Variants in CDKAL1 observed in about 807,000 individuals in gnomAD.
The protein encoded by CDKAL1 is threonylcarbamoyladenosine tRNA methylthiotransferase.
Under a neutral mutation model 68.2 loss-of-function variants are expected in CDKAL1, and 32 were observed. That is an observed-to-expected ratio of 0.47 (90% CI 0.35 to 0.63). The LOEUF (loss-of-function observed/expected upper bound fraction) is 0.63. Ranked by LOEUF, CDKAL1 falls within the 30% of genes least tolerant of loss-of-function variation. The pLI, the probability that CDKAL1 is intolerant of heterozygous loss-of-function variation, is 0.00. For synonymous variants in CDKAL1, 234 were observed against 244.3 expected, an observed-to-expected ratio of 0.96 and a Z score of 0.39; for missense variants, 606 against 696.7, an observed-to-expected ratio of 0.87 and a Z score of 1.47.
At chr6:20,888,829 A>G (rs1440715552) in intron 9 of CDKAL1, among the ~76,000 whole-genome samples, 2 of 152,152 alleles carry the variant, frequency 1.3e-5, no homozygotes, top group Admixed American at 1.3e-4. Context: ...CGCAGTAAAC[A>G]TACGTGTGCA....
chr6:20,747,623 G>C (rs537960232), intron 6 of CDKAL1, among the ~76,000 whole-genome samples: 5 of 152,200 alleles, frequency 3.3e-5, no homozygotes, highest in East Asian at 1.9e-4. Context: ...CTATTTGTAT[G>C]TTTCCTTTGG....
intron 4 of CDKAL1, among the ~76,000 whole-genome samples, chr6:20,597,929 G>T (rs1765905765): frequency 6.6e-6 from 1 of 152,194 alleles, no homozygotes; most frequent in Non-Finnish European, 1.5e-5. Context: ...TGCAGACCGT[G>T]AGAGAAACGT....
chr6:21,190,929 T>C (rs1778211500), intron 13 of CDKAL1, among the ~76,000 whole-genome samples: 1 of 152,234 alleles, frequency 6.6e-6, no homozygotes, highest in Non-Finnish European at 1.5e-5. Flanking sequence ...CACGTCAGGC[T>C]TTCTGTTTAA....
intron 9 of CDKAL1, among the ~76,000 whole-genome samples, chr6:20,873,887 C>G (rs1202358657): frequency 6.6e-6 from 1 of 152,078 alleles, no homozygotes; most frequent in African/African-American, 2.4e-5. Context: ...TGCAGTGCAT[C>G]GAGTTGCTAA....
At chr6:20,967,941 A>C (rs1269606923) in intron 10 of CDKAL1, among the ~76,000 whole-genome samples, 4 of 152,068 alleles carry the variant, frequency 2.6e-5, no homozygotes, top group Non-Finnish European at 4.4e-5. Flanking sequence ...CCTCTCTTCC[A>C]TATGGTTTCT....
intron 11 of CDKAL1, among the ~76,000 whole-genome samples, chr6:21,020,060 T>G (rs1013364754): frequency 1.3e-5 from 2 of 152,240 alleles, no homozygotes; most frequent in East Asian, 1.9e-4. Flanking sequence ...TAGAAACAAA[T>G]TTTTCTGTCT....
intron 4 of CDKAL1, among the ~76,000 whole-genome samples, chr6:20,616,842 CACA>C (rs1766931579): frequency 7.7e-6 from 1 of 130,682 alleles, no homozygotes; most frequent in African/African-American, 3.4e-5. Context: ...GACTCTACCA[CACA>C]CACACACACA....
chr6:20,697,115 T>C (rs1388739499), intron 5 of CDKAL1, among the ~76,000 whole-genome samples: 3 of 152,152 alleles, frequency 2.0e-5, no homozygotes, highest in Admixed American at 2.0e-4. Context: ...GGCTGTTCTT[T>C]TCTAGGGCTG....
chr6:20,569,913 A>ACCT (rs1379949432), intron 4 of CDKAL1, among the ~76,000 whole-genome samples: 3 of 152,146 alleles, frequency 2.0e-5, no homozygotes, highest in African/African-American at 7.2e-5. Context: ...TCATCTCAAG[A>ACCT]GAGTGATTCT....
chr6:21,118,671 AAAGT>A (rs1392118705), intron 13 of CDKAL1, among the ~76,000 whole-genome samples: 1 of 152,258 alleles, frequency 6.6e-6, no homozygotes, highest in Non-Finnish European at 1.5e-5. Context: ...ATCTGGAAAG[AAAGT>A]AAGTCAACCA....
chr6:20,727,348 A>T (rs1489186358), intron 5 of CDKAL1, among the ~76,000 whole-genome samples: 1 of 152,212 alleles, frequency 6.6e-6, no homozygotes, highest in Non-Finnish European at 1.5e-5. Context: ...ACATACATAT[A>T]ACTACATATG....
intron 15 of CDKAL1, among the ~76,000 whole-genome samples, chr6:21,206,363 T>C (rs1778937746): frequency 6.6e-6 from 1 of 152,196 alleles, no homozygotes; most frequent in Non-Finnish European, 1.5e-5. Flanking sequence ...CTGTCTCTCT[T>C]AGGAATATGC....
chr6:20,960,065 CTGT>C (rs987242150), intron 10 of CDKAL1, among the ~76,000 whole-genome samples: 5 of 152,144 alleles, frequency 3.3e-5, no homozygotes, highest in Non-Finnish European at 7.4e-5. Context: ...CATGTGTGAT[CTGT>C]TTTTCCTCTT....
chr6:21,222,520 T>C (rs16884693), intron 15 of CDKAL1, among the ~76,000 whole-genome samples: 10,910 of 152,254 alleles, frequency 0.072, 1,116 homozygotes, highest in African/African-American at 0.23. Context: ...CAACATTGTT[T>C]TAACTGACTT....
At chr6:20,658,061 C>T (rs1324583850) in intron 5 of CDKAL1, among the ~76,000 whole-genome samples, 2 of 152,188 alleles carry the variant, frequency 1.3e-5, no homozygotes, top group African/African-American at 2.4e-5. Flanking sequence ...AAAATTTGCT[C>T]TTAATGATAG....
At chr6:20,920,623 G>A (rs1762910493) in intron 9 of CDKAL1, among the ~76,000 whole-genome samples, 1 of 152,008 alleles carries the variant, frequency 6.6e-6, no homozygotes, top group Admixed American at 6.5e-5. Context: ...CATGTTTATT[G>A]TTTTTAGGAT....
chr6:20,579,238 C>G (rs1765040677), intron 4 of CDKAL1, among the ~76,000 whole-genome samples: 1 of 152,014 alleles, frequency 6.6e-6, no homozygotes, highest in Non-Finnish European at 1.5e-5. Flanking sequence ...TTCAGCCTCC[C>G]AAAGCACTGG....
intron 11 of CDKAL1, among the ~76,000 whole-genome samples, chr6:21,063,946 A>G (rs1240291265): frequency 2.6e-5 from 4 of 152,166 alleles, no homozygotes; most frequent in Non-Finnish European, 5.9e-5. Flanking sequence ...AGATTTAAAG[A>G]CCCAATCCAA....
At chr6:20,693,159 A>G (rs1296777377) in intron 5 of CDKAL1, among the ~76,000 whole-genome samples, 1 of 142,574 alleles carries the variant, frequency 7.0e-6, no homozygotes, top group East Asian at 2.1e-4. Flanking sequence ...AAAAAAAAAG[A>G]CAGTTGGGGC....
Sources: gnomAD v4.1 joint callset for allele counts (sites outside exome capture counted in the v4.1 genomes callset) on GRCh38, gnomAD v4.1.1 for gene constraint, MANE v1.5 for transcripts, NCBI Gene and HGNC (gene_info 2026-07-23, HGNC 2026-07-21) for gene names.